TROAP: variants seen among roughly 807,000 people sequenced by gnomAD.
TROAP encodes trophinin associated protein.
A neutral mutation model predicts 83.4 loss-of-function variants in TROAP; 62 were observed. The observed-to-expected ratio is 0.74, with a 90% confidence interval of 0.61 to 0.92. TROAP has a LOEUF of 0.92. Ranked by LOEUF, TROAP falls within the 40% of genes least tolerant of loss-of-function variation. TROAP has a pLI of 0.00. For synonymous variants in TROAP, 352 were observed against 386.4 expected, an observed-to-expected ratio of 0.91 and a Z score of 1.04; for missense variants, 876 against 985.1, an observed-to-expected ratio of 0.89 and a Z score of 1.48.
Position 49,330,898 on chromosome 12 carries a change from C to G in TROAP, c.2053C>G (p.Pro685Ala), listed in dbSNP as rs767388635. 4 of 1,612,758 alleles carry G rather than the reference C, an allele frequency of 2.5e-6. No individual in the cohort carries two copies. The highest frequency in any genetic ancestry group is 1.1e-5 in the South Asian group (1 of 91,084). The part of the protein sequence containing the change: ...SSQHPLCASP[P>A]ICSLQSLRPP... ...CCAACACCCGCTTTGTGCCAGCCCCCCTATCTGCTCACTCCAGTCTTTGAG... is the reference window on the plus strand; with the variant it reads ...CCAACACCCGCTTTGTGCCAGCCCCGCTATCTGCTCACTCCAGTCTTTGAG... The change falls in exon 13 of 15, where the codon CCT becomes GCT. Residue 685 changes from proline (P) to alanine (A), a missense_variant. Physicochemically the swap from Pro to Ala is conservative, Grantham distance 27 (BLOSUM62 -1). This residue lies in a region of TROAP where 184 missense variants were observed against 238.3 expected (regional missense o/e 0.77). Coordinates refer to ENST00000257909, the MANE Select transcript of TROAP (RefSeq NM_005480.4).
intron 13 of TROAP, 77 bp from the exon 14 acceptor site, chr12:49,331,137 T>C: frequency 6.3e-7 from 1 of 1,592,866 alleles, no homozygotes; most frequent in Non-Finnish European, 8.6e-7. Flanking sequence ...TGGCCGTTGG[T>C]GGGGGAGGAG....
rs1943558262 is a variant in TROAP at position 49,330,252 on chromosome 12, GCCC to G, written c.1409_1411del (p.Pro470del). 2 of 1,614,018 alleles carry G rather than the reference GCCC, an allele frequency of 1.2e-6. No homozygotes were observed. Among genetic ancestry groups the G allele is most frequent in the Non-Finnish European group, 1.7e-6 (2 of 1,180,022 alleles). On this transcript the variant is annotated inframe_deletion, in exon 13 of 15. Transcript: ENST00000257909. Reference sequence around the variant, plus strand: ...CTTCTCTGGATATGGTTGAACTTCAGCCCCTGCTGACTGAGATTTCTAGAACTC... The same window carrying G: ...CTTCTCTGGATATGGTTGAACTTCAGCTGCTGACTGAGATTTCTAGAACTC...
In TROAP at chr12:49,323,647, G is replaced by A. The variant is rs369747243; in HGVS notation, c.39G>A (p.Arg13=). The change falls in exon 2 of 15, where the codon CGG becomes CGA. Residue 13 remains arginine, a synonymous_variant. Transcript: ENST00000257909. ...TRQATKDPLL[R]GVSPTPSKIP... ...AAGCCACGAAGGATCCCCTCCTCCG[G>A]GGTGTATCTCCTACCCCTAGCAAGA... 1.7e-5 allele frequency: 27 copies of A among 1,614,018 alleles called. No individual in the cohort carries two copies. The highest frequency in any genetic ancestry group is 2.0e-5 in the Non-Finnish European group (24 of 1,180,012).
chr12:49,329,914 T>C lies in TROAP; in HGVS notation c.1222T>C (p.Ser408Pro). 2 of 1,614,038 alleles carry C rather than the reference T, an allele frequency of 1.2e-6. No individual in the cohort carries two copies. The highest frequency in any genetic ancestry group is 1.7e-6 in the Non-Finnish European group (2 of 1,179,996). The change falls in exon 12 of 15, where the codon TCT becomes CCT. Residue 408 changes from serine to proline, a missense_variant. By Grantham distance (74) the Ser-to-Pro change is moderately conservative (BLOSUM62 -1). Coordinates refer to ENST00000257909, the MANE Select transcript of TROAP (RefSeq NM_005480.4). The surrounding 1 kb of genome is among the most constrained non-coding windows in gnomAD (Gnocchi z 4.5). The stretch of plus-strand genomic sequence containing the variant: ...GAGTTGTATAAGGTCACTGGAGGGT[T>C]CTGGGAAACCACCGGTGGCCACTCC... ...QESCIRSLEG[S>P]GKPPVATPSG...
chr12:49,326,166 A>C lies in TROAP; in HGVS notation c.716+8A>C, dbSNP rs761167511. On this transcript the variant is annotated splice_region_variant and intron_variant, in intron 6 of 14. Transcript: ENST00000257909. ...GACAGCTGGCAGCAGCCGGTGAGAA[A>C]GGAGAGGGTGTGGGAGAAGGTCATC... is the stretch of plus-strand genomic sequence containing the variant. 8.7e-6 allele frequency: 14 copies of C among 1,613,578 alleles called. No individual in the cohort carries two copies. The highest frequency in any genetic ancestry group is 1.7e-4 in the Middle Eastern group (1 of 5,944).
At chr12:49,327,424 G>C in intron 8 of TROAP, 94 bp downstream of exon 8, 1 of 1,541,834 alleles carries the variant, frequency 6.5e-7, no homozygotes, top group Non-Finnish European at 8.8e-7. Context: ...ATTGTAGGTA[G>C]AGCCAGGAAG....
In TROAP at chr12:49,330,896, C is replaced by G. The variant is rs1943570690; in HGVS notation, c.2051C>G (p.Pro684Arg). The G allele has an allele frequency of 6.2e-6, 10 of 1,612,798 alleles. No individual in the cohort carries two copies. The highest frequency in any genetic ancestry group is 8.5e-6 in the Non-Finnish European group (10 of 1,179,984). The change falls in exon 13 of 15, where the codon CCC becomes CGC. Residue 684 changes from proline (P) to arginine (R), a missense_variant. By Grantham distance (103) the Pro-to-Arg change is moderately radical. Transcript: ENST00000257909. Reference sequence around the variant, plus strand: ...TCCCAACACCCGCTTTGTGCCAGCCCCCCTATCTGCTCACTCCAGTCTTTG... The same window carrying G: ...TCCCAACACCCGCTTTGTGCCAGCCGCCCTATCTGCTCACTCCAGTCTTTG... ...FSSQHPLCAS[P>R]PICSLQSLRP...
rs1223943393 is a variant in TROAP, at chr12:49,323,282, C to T, written c.-73C>T. On this transcript the variant is annotated 5_prime_UTR_variant, in exon 1 of 15. Coordinates refer to ENST00000257909, the MANE Select transcript of TROAP (RefSeq NM_005480.4). ...ATTTTACAAACTGAGAAAGTAGCTC[C>T]AGCAGCACCCGAGAGGGTCAGGAGA... 1 of 269,172 alleles carries T rather than the reference C, an allele frequency of 3.7e-6. No homozygotes were observed. The allele number at this position is 269,172 out of a possible 1,614,324, so 16.7% of individuals were successfully genotyped here.
Position 49,331,623 on chromosome 12 carries a change from C to T in TROAP, c.*6C>T, listed in dbSNP as rs1943585187. The T allele has an allele frequency of 6.2e-7, 1 of 1,613,940 alleles. No individual in the cohort carries two copies. Among genetic ancestry groups the T allele is most frequent in the South Asian group, 1.1e-5 (1 of 91,070 alleles). ...CCCCCCAGGGCTCTCCATGATGAGACAACCACTCCTGCCCTGCCGTACTTC... is the reference window on the plus strand; with the variant it reads ...CCCCCCAGGGCTCTCCATGATGAGATAACCACTCCTGCCCTGCCGTACTTC... On this transcript the variant is annotated 3_prime_UTR_variant, in exon 15 of 15. Transcript: ENST00000257909.
In TROAP at chr12:49,323,602, A is replaced by G. The variant is rs1943436315; in HGVS notation, c.-5-2A>G. 1.2e-6 allele frequency: 2 copies of G among 1,613,378 alleles called. No individual in the cohort carries two copies. The highest frequency in any genetic ancestry group is 1.7e-5 in the Admixed American group (1 of 59,942). On this transcript the variant is annotated splice_acceptor_variant, in intron 1 of 14. Coordinates refer to ENST00000257909, the MANE Select transcript of TROAP (RefSeq NM_005480.4). LOFTEE classifies it low-confidence loss of function (5UTR_SPLICE). ...CTGCCTTCTTCCCCGTCTCAATTGT[A>G]GCCATCATGACCACCCGGCAAGCCA... is the stretch of plus-strand genomic sequence containing the variant.
intron 3 of TROAP, 135 bp from the exon 4 acceptor site, chr12:49,325,366 T>TAAA (rs541818565): frequency 5.8e-4 from 450 of 770,040 alleles, no homozygotes; most frequent in Non-Finnish European, 7.4e-4. Context: ...ATCTATTTCT[T>TAAA]AAAAAAAAAA....
intron 8 of TROAP, among the ~76,000 whole-genome samples, chr12:49,328,214 CTTTTTTTTTTTTTTTT>C (rs981259606): frequency 1.3e-5 from 1 of 77,364 alleles, no homozygotes; most frequent in Non-Finnish European, 2.5e-5. Flanking sequence ...TGACTTAGGT[CTTTTTTTTTTTTTTTT>C]TTTTTTTTTT....
chr12:49,327,241 GTCAC>G lies in TROAP; in HGVS notation c.810_813del (p.His270GlnfsTer17). On this transcript the variant is annotated frameshift_variant, in exon 8 of 15. Transcript: ENST00000257909. LOFTEE classifies it high-confidence loss of function. Reference sequence around the variant, plus strand: ...TCTTCCTAAAGGAGAACGCGAGGTTGTCACTCACTCAGATGAAGGAGGTGTGGCC... The same window carrying G: ...TCTTCCTAAAGGAGAACGCGAGGTTGTCACTCAGATGAAGGAGGTGTGGCC... 6.2e-7 allele frequency: 1 copy of G among 1,614,228 alleles called. No individual in the cohort carries two copies. Among genetic ancestry groups the G allele is most frequent in the Non-Finnish European group, 8.5e-7 (1 of 1,180,024 alleles).
chr12:49,327,233 G>A lies in TROAP; in HGVS notation c.794G>A (p.Arg265His), dbSNP rs138091021. The change falls in exon 8 of 15, where the codon CGC (arginine) becomes CAC (histidine). Residue 265 changes from arginine (R) to histidine (H), a missense_variant. Arg to His is a conservative substitution (Grantham distance 29). Transcript: ENST00000257909. The part of the protein sequence containing the change: ...QPAFSLPKGE[R>H]EVVTHSDEGG... Reference sequence around the variant, plus strand: ...GCTTTCTCTCTTCCTAAAGGAGAACGCGAGGTTGTCACTCACTCAGATGAA... The same window carrying A: ...GCTTTCTCTCTTCCTAAAGGAGAACACGAGGTTGTCACTCACTCAGATGAA... The A allele has an allele frequency of 7.4e-6, 12 of 1,614,020 alleles. No homozygotes were observed. Among genetic ancestry groups the A allele is most frequent in the East Asian group, 2.2e-5 (1 of 44,898 alleles).
In TROAP at chr12:49,329,643, TAGTG is replaced by T; in HGVS notation, c.1164+192_1164+195del. 2 of 970,588 alleles carry T rather than the reference TAGTG, an allele frequency of 2.1e-6. No homozygotes were observed. Among genetic ancestry groups the T allele is most frequent in the Non-Finnish European group, 3.1e-6 (2 of 651,620 alleles). 60.1% of individuals were successfully genotyped at this position (970,588 alleles called of 1,614,324 possible). A position where few individuals can be genotyped will look rare whatever the true frequency, so the allele number is the denominator to read the frequency against. On this transcript the variant is annotated intron_variant, in intron 11 of 14. Transcript: ENST00000257909. This position sits in a 1 kb window ranked among gnomAD's most constrained non-coding sequence, Gnocchi z 4.5. ...ATCTTTGAGACCAGCCTGGGCAACATAGTGAGACCCTGTCTCCACTAAAATTTTA... is the reference window on the plus strand; with the variant it reads ...ATCTTTGAGACCAGCCTGGGCAACATAGACCCTGTCTCCACTAAAATTTTA...
chr12:49,329,289 G>A lies in TROAP; in HGVS notation c.1104+45G>A. On this transcript the variant is annotated intron_variant, in intron 10 of 14. Transcript: ENST00000257909. This position sits in a 1 kb window ranked among gnomAD's most constrained non-coding sequence, Gnocchi z 4.5. ...GGTGGCTGGCATAAGTCACAGCTAG[G>A]GGAGAAAGGAGATGGATGGGTACAG... The A allele has an allele frequency of 1.2e-6, 2 of 1,613,542 alleles. No individual in the cohort carries two copies. Among genetic ancestry groups the A allele is most frequent in the African/African-American group, 1.3e-5 (1 of 75,044 alleles).
At chr12:49,325,445 G>T in intron 3 of TROAP, 56 bp from the exon 4 acceptor site, 2 of 1,552,910 alleles carry the variant, frequency 1.3e-6, no homozygotes, top group Non-Finnish European at 1.7e-6. Flanking sequence ...CCTATGCTAG[G>T]GGCCCTATCC....
chr12:49,325,577 C>T lies in TROAP; in HGVS notation c.414C>T (p.Ser138=). 2 of 1,614,024 alleles carry T rather than the reference C, an allele frequency of 1.2e-6. No individual in the cohort carries two copies. The highest frequency in any genetic ancestry group is 1.7e-6 in the Non-Finnish European group (2 of 1,180,028). Residue 138 remains serine, a synonymous_variant, in exon 4 of 15, where the codon AGC becomes AGT. Transcript: ENST00000257909. The stretch of plus-strand genomic sequence containing the variant: ...TCCTGTCAGGTGAGGGTGTGAAGAG[C>T]TGTCACCTGGGGCGCCAGCCTAGTC... The part of the protein sequence containing the change: ...ATILSGEGVK[S]CHLGRQPSLA...
At position 49,329,386 on chromosome 12, in the gene TROAP, C is replaced by T. The variant is rs763593968; in HGVS notation, c.1105-9C>T. The T allele has an allele frequency of 6.2e-7, 1 of 1,612,946 alleles. No homozygotes were observed. Among genetic ancestry groups the T allele is most frequent in the South Asian group, 1.1e-5 (1 of 90,882 alleles). The stretch of plus-strand genomic sequence containing the variant: ...GTCAGCCCTTGCTGACATCTCACTT[C>T]TGTGCCAGGCCCAGTGGCTGCGTGG... On this transcript the variant is annotated splice_polypyrimidine_tract_variant and intron_variant, in intron 10 of 14. Coordinates refer to ENST00000257909, the MANE Select transcript of TROAP (RefSeq NM_005480.4). The surrounding 1 kb of genome is among the most constrained non-coding windows in gnomAD (Gnocchi z 4.5).
Sources: gnomAD v4.1 joint callset for allele counts (sites outside exome capture counted in the v4.1 genomes callset) on GRCh38, gnomAD v4.1.1 for gene constraint, gnomAD v4.1.1 regional missense constraint, Gnocchi (gnomAD v3.1) non-coding constraint, MANE v1.5 for transcripts, NCBI Gene and HGNC (gene_info 2026-07-23, HGNC 2026-07-21) for gene names.